The following CPNE4 variants were observed in gnomAD, a reference collection of about 807,000 sequenced individuals.
The protein encoded by CPNE4 is copine 4.
In CPNE4, 25 loss-of-function variants were observed where a neutral mutation model predicts 67.9. That is an observed-to-expected ratio of 0.37 (90% confidence interval 0.27 to 0.51). CPNE4 has a LOEUF of 0.51. Among genes scored for constraint, CPNE4 ranks in the 20% least tolerant of loss-of-function variants. The pLI is 0.93. For synonymous variants in CPNE4, 242 were observed against 244.9 expected (o/e 0.99, Z 0.11); for missense variants, 464 against 690.8 (o/e 0.67, Z 3.68).
intron 2 of CPNE4, among the ~76,000 whole-genome samples, chr3:131,733,669 C>T (rs756300296): frequency 2.0e-5 from 3 of 152,234 alleles, no homozygotes; most frequent in Non-Finnish European, 4.4e-5. Context: ...CTCGAACTTG[C>T]AGTGACTGTC....
intron 7 of CPNE4, among the ~76,000 whole-genome samples, chr3:131,657,763 G>T (rs543207053): frequency 3.3e-5 from 5 of 150,270 alleles, no homozygotes; most frequent in Non-Finnish European, 7.4e-5. Flanking sequence ...ACGGGGTTTC[G>T]CCATGTTGGC....
Position 132,019,150 on chromosome 3 carries a change from A to T in CPNE4, c.-2+15417T>A, listed in dbSNP as rs75436043. ...ATTCCTAAGGAGTTGTGAAGCAAAC[A>T]AAAAAAAAATAGGAAAAGCTCTGAA... On this transcript the variant is annotated intron_variant, in intron 1 of 15. Coordinates refer to ENST00000429747, the MANE Select transcript of CPNE4 (RefSeq NM_130808.3). Among the ~76,000 whole-genome samples, 3 of 86,140 alleles carry T rather than the reference A, an allele frequency of 3.5e-5. No homozygotes were observed. The South Asian group carries it at 1.6e-3, about 46-fold the overall frequency. The allele number at this position is 86,140 out of a possible 152,430, so 56.5% of individuals were successfully genotyped here. A position where few individuals can be genotyped will look rare whatever the true frequency, so the allele number is the denominator to read the frequency against.
chr3:131,852,605 A>AG (rs1379162486), intron 2 of CPNE4, among the ~76,000 whole-genome samples: 5 of 151,946 alleles, frequency 3.3e-5, no homozygotes, highest in Admixed American at 3.3e-4. Context: ...GATCAGGAAC[A>AG]AGGTAAAGAT....
intron 2 of CPNE4, among the ~76,000 whole-genome samples, chr3:131,880,474 T>C (rs1342997106): frequency 6.6e-6 from 1 of 152,188 alleles, no homozygotes; most frequent in Non-Finnish European, 1.5e-5. Context: ...GGTGATGCTA[T>C]CAAAATTGAA....
In CPNE4 at chr3:131,675,624, C is replaced by T. The variant is rs141553045; in HGVS notation, c.592-5860G>A. Reference sequence around the variant, plus strand: ...ATTTTGTCTGATGTAAGTATAGTTACTCCTTCTCTTTTTTGGTTTCTATTT... The same window carrying T: ...ATTTTGTCTGATGTAAGTATAGTTATTCCTTCTCTTTTTTGGTTTCTATTT... On this transcript the variant is annotated intron_variant, in intron 6 of 15. Coordinates refer to ENST00000429747, the MANE Select transcript of CPNE4 (RefSeq NM_130808.3). Among the ~76,000 whole-genome samples the T allele has an allele frequency of 1.7e-3, 266 of 152,020 alleles. 1 individual carries two copies. The highest frequency in any genetic ancestry group is 5.6e-3 in the African/African-American group (234 of 41,498).
intron 1 of CPNE4, among the ~76,000 whole-genome samples, chr3:132,002,046 G>A (rs2107665081): frequency 6.6e-6 from 1 of 152,164 alleles, no homozygotes; most frequent in Non-Finnish European, 1.5e-5. Flanking sequence ...CCTTTCCGAA[G>A]GATGATATCA....
At chr3:131,908,916 A>G (rs2088868333) in intron 1 of CPNE4, among the ~76,000 whole-genome samples, 2 of 152,164 alleles carry the variant, frequency 1.3e-5, no homozygotes, top group Admixed American at 1.3e-4. Context: ...TAATGTGATT[A>G]CCACAATACC....
chr3:131,826,510 T>G (rs568650902), intron 2 of CPNE4, among the ~76,000 whole-genome samples: 1 of 152,352 alleles, frequency 6.6e-6, no homozygotes, highest in South Asian at 2.1e-4. Context: ...GATGTCTTTT[T>G]CTTAGTCATC....
intron 15 of CPNE4, among the ~76,000 whole-genome samples, chr3:131,540,763 G>A (rs781486799): frequency 7.9e-5 from 12 of 152,308 alleles, no homozygotes; most frequent in South Asian, 2.1e-4. Context: ...GGAGGGGATG[G>A]CATCCTGCCT....
At chr3:131,626,501 C>A (rs1352779294) in intron 7 of CPNE4, among the ~76,000 whole-genome samples, 1 of 152,140 alleles carries the variant, frequency 6.6e-6, no homozygotes, top group East Asian at 1.9e-4. Flanking sequence ...AGAGTAAGTC[C>A]TTAATTCTCT....
chr3:131,595,253 G>T (rs1224488967), intron 7 of CPNE4, among the ~76,000 whole-genome samples: 1 of 152,196 alleles, frequency 6.6e-6, no homozygotes, highest in Non-Finnish European at 1.5e-5. Context: ...TCTTGAACAG[G>T]ATGTCTGCAC....
intron 2 of CPNE4, among the ~76,000 whole-genome samples, chr3:131,743,674 A>G (rs1349911449): frequency 6.6e-6 from 1 of 152,236 alleles, no homozygotes; most frequent in Non-Finnish European, 1.5e-5. Flanking sequence ...GATCATATTT[A>G]TAGTTGCTAA....
At chr3:131,669,585 T>C in intron 7 of CPNE4, 90 bp downstream of exon 7, 1 of 1,010,664 alleles carries the variant, frequency 9.9e-7, no homozygotes. Flanking sequence ...GTAAAGAAAA[T>C]TTGGGGTTTG....
chr3:131,539,375 A>G (rs1445809975), intron 15 of CPNE4, among the ~76,000 whole-genome samples: 1 of 152,172 alleles, frequency 6.6e-6, no homozygotes, highest in African/African-American at 2.4e-5. Flanking sequence ...ACTTAACTTA[A>G]GCTGTAAGCC....
chr3:131,806,815 T>A (rs1234255567), intron 2 of CPNE4, among the ~76,000 whole-genome samples: 19 of 152,116 alleles, frequency 1.2e-4, no homozygotes, highest in Admixed American at 1.2e-3. Context: ...AAAGGAAGAA[T>A]GAATGTCACA....
At chr3:131,910,042 T>C (rs182689518) in intron 1 of CPNE4, among the ~76,000 whole-genome samples, 16 of 152,218 alleles carry the variant, frequency 1.1e-4, no homozygotes, top group Non-Finnish European at 1.5e-5. Flanking sequence ...AATATGATGG[T>C]TGGACTGCAG....
chr3:131,773,035 A>C (rs1263747484), intron 2 of CPNE4, among the ~76,000 whole-genome samples: 2 of 152,160 alleles, frequency 1.3e-5, no homozygotes, highest in Non-Finnish European at 2.9e-5. Context: ...AAGGGATAGA[A>C]TTAGTTAAGC....
rs760770254 is a variant in CPNE4, at chr3:131,905,382, G to C, written c.62C>G (p.Pro21Arg). 2 of 1,613,454 alleles carry C rather than the reference G, an allele frequency of 1.2e-6. No homozygotes were observed. The highest frequency in any genetic ancestry group is 2.2e-5 in the East Asian group (1 of 44,828). Reference sequence around the variant, plus strand: ...ACGCAGCTCAACTTTGGTCAGGCAGGGGCTGTTAAAGATTCCCAGTGTGTT... The same window carrying C: ...ACGCAGCTCAACTTTGGTCAGGCAGCGGCTGTTAAAGATTCCCAGTGTGTT... ...AANTLGIFNS[P>R]CLTKVELRVA... The change falls in exon 2 of 16, where the codon CCC becomes CGC. Residue 21 changes from proline to arginine, a missense_variant. Pro to Arg is a moderately radical substitution (Grantham distance 103). Coordinates refer to ENST00000429747, the MANE Select transcript of CPNE4 (RefSeq NM_130808.3).
intron 3 of CPNE4, among the ~76,000 whole-genome samples, chr3:131,707,133 G>C (rs1333136801): frequency 1.3e-5 from 2 of 152,084 alleles, no homozygotes; most frequent in African/African-American, 4.8e-5. Context: ...CACTTGCTAG[G>C]GCCTCCATAA....
Sources: allele counts gnomAD v4.1 joint callset (sites outside exome capture counted in the v4.1 genomes callset), GRCh38; gene constraint gnomAD v4.1.1; transcripts MANE v1.5; gene names NCBI Gene and HGNC (gene_info 2026-07-23, HGNC 2026-07-21).